OTOF: variants seen among roughly 807,000 people sequenced by gnomAD.
OTOF encodes the protein otoferlin.
In OTOF, 218 loss-of-function variants were observed where a neutral mutation model predicts 236.8. The ratio of observed to expected loss-of-function variants is 0.92; its 90% CI spans 0.82 to 1.03. The LOEUF (loss-of-function observed/expected upper bound fraction) is 1.03. OTOF is among the 50% of genes least tolerant of loss of function. The pLI, the probability that OTOF is intolerant of heterozygous loss-of-function variation, is 0.00. For missense variants in OTOF, 2,590 were observed against 2,694.4 expected, an observed-to-expected ratio of 0.96 and a Z score of 0.86; for synonymous variants, 1,041 against 1,072.5, an observed-to-expected ratio of 0.97 and a Z score of 0.57.
intron 26 of OTOF, 49 bp from the exon 27 acceptor site, chr2:26,474,159 G>T (rs1378494360): frequency 2.5e-6 from 4 of 1,610,784 alleles, no homozygotes; most frequent in Non-Finnish European, 3.4e-6. Context: ...CAGGGACAGG[G>T]TCTCTTTCCC....
At chr2:26,556,620 A>G (rs1162864799) in intron 1 of OTOF, among the ~76,000 whole-genome samples, 1 of 152,088 alleles carries the variant, frequency 6.6e-6, no homozygotes, top group Non-Finnish European at 1.5e-5. Context: ...CAAGGAGAAG[A>G]TGGGTGTCAG....
At chr2:26,514,040 C>T (rs770937115) in intron 5 of OTOF, among the ~76,000 whole-genome samples, 14 of 152,250 alleles carry the variant, frequency 9.2e-5, no homozygotes, top group Non-Finnish European at 1.8e-4. Context: ...CTTGAACCCG[C>T]TCCACCTTCT....
Position 26,473,498 on chromosome 2 carries a change from T to C in OTOF, c.3478A>G (p.Ile1160Val). ...TGCACCCCCTTCCCTGCACACTCGA[T>C]GTCCACCCGTGGCCGGTCCACCTGG... ...LAQVDRPRVD[I>V]ECAGKGVQSS... is the part of the protein sequence containing the mutation. Residue 1160 changes from isoleucine to valine, a missense_variant, in exon 28 of 47, where the codon ATC becomes GTC. Ile to Val is a conservative substitution (Grantham distance 29). Coordinates refer to ENST00000272371, the MANE Select transcript of OTOF (RefSeq NM_194248.3). The surrounding 1 kb of genome is among the most constrained non-coding windows in gnomAD (Gnocchi z 7.2). 6.2e-7 allele frequency: 1 copy of C among 1,613,014 alleles called. No individual in the cohort carries two copies. The highest frequency in any genetic ancestry group is 2.2e-5 in the East Asian group (1 of 44,866).
chr2:26,532,468 A>G lies in OTOF; in HGVS notation c.139-4548T>C, dbSNP rs140667561. Reference sequence around the variant, plus strand: ...CCAGCAAGCCCCATGCTGGGGGCGAACATTTGCTGAGCACTTGCTGTGTGC... The same window carrying G: ...CCAGCAAGCCCCATGCTGGGGGCGAGCATTTGCTGAGCACTTGCTGTGTGC... On this transcript the variant is annotated intron_variant, in intron 2 of 46. Coordinates refer to ENST00000272371, the MANE Select transcript of OTOF (RefSeq NM_194248.3). Among the ~76,000 whole-genome samples, 342 of 152,324 alleles carry G rather than the reference A, an allele frequency of 2.2e-3. 1 individual carries two copies. Among genetic ancestry groups the G allele is most frequent in the African/African-American group, 7.9e-3 (329 of 41,582 alleles).
Position 26,558,488 on chromosome 2 carries a change from C to T in OTOF, c.79+5G>A. ...GGCGTCCCTCTGAGACAGCGGCTTC[C>T]CTACCTCGGAAAGTCACTTTGGCGA... On this transcript the variant is annotated splice_donor_5th_base_variant and intron_variant, in intron 1 of 46. Transcript: ENST00000272371. The T allele has an allele frequency of 1.2e-6, 2 of 1,613,584 alleles. No individual in the cohort carries two copies. Among genetic ancestry groups the T allele is most frequent in the Non-Finnish European group, 8.5e-7 (1 of 1,179,610 alleles).
At chr2:26,494,853 C>T (rs1348125188) in intron 9 of OTOF, 89 bp downstream of exon 9, 59 of 1,517,146 alleles carry the variant, frequency 3.9e-5, no homozygotes, top group Admixed American at 5.0e-5. Flanking sequence ...TGCTCCTTGA[C>T]TTCCAGCCAC....
intron 9 of OTOF, among the ~76,000 whole-genome samples, chr2:26,489,969 G>T (rs1362645947): frequency 2.0e-5 from 3 of 152,218 alleles, no homozygotes; most frequent in Non-Finnish European, 4.4e-5. Context: ...TGGCTAGTGT[G>T]GGGTGGGAAA....
At chr2:26,543,636 AT>A (rs1667259251) in intron 1 of OTOF, among the ~76,000 whole-genome samples, 1 of 152,230 alleles carries the variant, frequency 6.6e-6, no homozygotes, top group South Asian at 2.1e-4. Flanking sequence ...TTACAATAGC[AT>A]TTGGTGCAGT....
chr2:26,521,891 C>A (rs542545526), intron 3 of OTOF, among the ~76,000 whole-genome samples: 1 of 152,338 alleles, frequency 6.6e-6, no homozygotes, highest in Non-Finnish European at 1.5e-5. Context: ...GAGGAGACTG[C>A]TCATGTGAAA....
chr2:26,516,934 G>T (rs1318069592), intron 4 of OTOF, among the ~76,000 whole-genome samples: 1 of 152,162 alleles, frequency 6.6e-6, no homozygotes, highest in East Asian at 1.9e-4. Context: ...CTACATAACC[G>T]AGAGTGTCGT....
chr2:26,523,917 G>A (rs926687236), intron 3 of OTOF, among the ~76,000 whole-genome samples: 3 of 152,224 alleles, frequency 2.0e-5, no homozygotes, highest in African/African-American at 7.2e-5. Flanking sequence ...GGAGACTTGA[G>A]TCTCACATCA....
chr2:26,502,189 G>T, intron 7 of OTOF, 111 bp downstream of exon 7: 2 of 1,172,946 alleles, frequency 1.7e-6, no homozygotes, highest in Non-Finnish European at 1.3e-6. Flanking sequence ...AGGTTAGGAA[G>T]AAGCCGTCCA....
intron 1 of OTOF, 108 bp downstream of exon 1, chr2:26,558,385 A>G (rs1314104842): frequency 1.2e-5 from 12 of 985,086 alleles, no homozygotes; most frequent in Admixed American, 1.2e-4. Context: ...CCCTGCTAGA[A>G]CTTTTCCCAC....
At chr2:26,483,748 G>T in intron 12 of OTOF, 100 bp from the exon 13 acceptor site, 2 of 1,056,930 alleles carry the variant, frequency 1.9e-6, no homozygotes, top group Non-Finnish European at 2.8e-6. Context: ...GTCTCTAAGG[G>T]ACAGCTGAGG....
intron 5 of OTOF, chr2:26,510,859 TC>T (rs1666369325): frequency 1.8e-6 from 1 of 546,364 alleles, no homozygotes; most frequent in Non-Finnish European, 2.9e-6. Context: ...CCCGGGGGCC[TC>T]CTTGTCCCAC....
At chr2:26,484,770 G>C in intron 11 of OTOF, 137 bp from the exon 12 acceptor site, 1 of 825,064 alleles carries the variant, frequency 1.2e-6, no homozygotes, top group Non-Finnish European at 1.9e-6. Flanking sequence ...CCACAGCTCT[G>C]CCTGTCCCTA....
chr2:26,505,420 C>CACACACACACACAG (rs1666223997), intron 5 of OTOF, among the ~76,000 whole-genome samples: 2 of 151,768 alleles, frequency 1.3e-5, no homozygotes, highest in African/African-American at 4.8e-5. Context: ...GTTACACACA[C>CACACACACACACAG]ACACACACAC....
At chr2:26,551,323 C>T (rs1480646828) in intron 1 of OTOF, among the ~76,000 whole-genome samples, 4 of 152,174 alleles carry the variant, frequency 2.6e-5, no homozygotes, top group South Asian at 2.1e-4. Context: ...CAATGAGCTG[C>T]GACCCTTCAA....
Position 26,470,256 on chromosome 2 carries a change from T to C in OTOF, c.4023+337A>G, listed in dbSNP as rs7607708. 1.3e-5 allele frequency among the ~76,000 whole-genome samples: 2 copies of C among 152,126 alleles called. No individual in the cohort carries two copies. The highest frequency in any genetic ancestry group is 4.8e-5 in the African/African-American group (2 of 41,416). Reference sequence around the variant, plus strand: ...TCCTCTCTAAGTCTCTGTTTACATGTCCATTTTGCCCAGTAAACCGGAGGC... The same window carrying C: ...TCCTCTCTAAGTCTCTGTTTACATGCCCATTTTGCCCAGTAAACCGGAGGC... On this transcript the variant is annotated intron_variant, in intron 32 of 46. Coordinates refer to ENST00000272371, the MANE Select transcript of OTOF (RefSeq NM_194248.3). This position sits in a 1 kb window ranked among gnomAD's most constrained non-coding sequence, Gnocchi z 4.3.
Sources: allele counts gnomAD v4.1 joint callset (sites outside exome capture counted in the v4.1 genomes callset), GRCh38; gene constraint gnomAD v4.1.1; non-coding constraint Gnocchi (gnomAD v3.1); transcripts MANE v1.5; gene names NCBI Gene and HGNC (gene_info 2026-07-23, HGNC 2026-07-21).